The following KCNIP1 variants were observed in gnomAD, a reference collection of about 807,000 sequenced individuals.
KCNIP1 encodes potassium voltage-gated channel interacting protein 1.
In KCNIP1, 18 loss-of-function variants were observed where a neutral mutation model predicts 33.0. The ratio of observed to expected loss-of-function variants is 0.55; its 90% CI spans 0.38 to 0.81. The LOEUF is 0.81. Ranked by LOEUF, KCNIP1 falls within the 30% of genes least tolerant of loss-of-function variation. The probability of loss-of-function intolerance (pLI) is 0.00; values close to 1 mark genes in which losing one functional copy is unlikely to be tolerated. For synonymous variants in KCNIP1, 93 were observed against 98.3 expected, an observed-to-expected ratio of 0.95 and a Z score of 0.32; for missense variants, 238 against 271.6, an observed-to-expected ratio of 0.88 and a Z score of 0.87.
chr5:170,674,136 GA>G (rs879852951), intron 1 of KCNIP1, among the ~76,000 whole-genome samples: 19,152 of 59,090 alleles, frequency 0.32, 2,181 homozygotes, highest in South Asian at 0.41. Flanking sequence ...AATGAGGAAG[GA>G]AGGAAGGAAG....
At chr5:170,373,078 T>C (rs1273435551) in intron 1 of KCNIP1, among the ~76,000 whole-genome samples, 1 of 152,200 alleles carries the variant, frequency 6.6e-6, no homozygotes, top group Non-Finnish European at 1.5e-5. Context: ...ATCTCCCAAA[T>C]CCTTTGAGGA....
At chr5:170,716,254 A>G (rs1290508635) in intron 1 of KCNIP1, among the ~76,000 whole-genome samples, 1 of 152,366 alleles carries the variant, frequency 6.6e-6, no homozygotes, top group East Asian at 1.9e-4. Context: ...AACTAAGACC[A>G]GAGCACAGCT....
chr5:170,693,762 T>C (rs943038244), intron 1 of KCNIP1, among the ~76,000 whole-genome samples: 4 of 152,222 alleles, frequency 2.6e-5, no homozygotes, highest in Non-Finnish European at 4.4e-5. Flanking sequence ...GTGAGCTGCA[T>C]TTACTGCAGC....
At chr5:170,626,743 T>C (rs955448335) in intron 1 of KCNIP1, among the ~76,000 whole-genome samples, 9 of 152,136 alleles carry the variant, frequency 5.9e-5, no homozygotes, top group African/African-American at 2.2e-4. Flanking sequence ...AATGCTGCAG[T>C]GAGGCTGCCG....
intron 1 of KCNIP1, among the ~76,000 whole-genome samples, chr5:170,630,950 A>G (rs550493557): frequency 6.6e-6 from 1 of 152,292 alleles, no homozygotes; most frequent in East Asian, 1.9e-4. Context: ...GGCATAAGCA[A>G]CTGATAACAG....
At chr5:170,528,688 A>C (rs150903691) in intron 1 of KCNIP1, among the ~76,000 whole-genome samples, 1 of 152,224 alleles carries the variant, frequency 6.6e-6, no homozygotes, top group Non-Finnish European at 1.5e-5. Flanking sequence ...CATAGACAGG[A>C]AATCTGTGGC....
At chr5:170,707,779 A>C (rs1484994133) in intron 1 of KCNIP1, among the ~76,000 whole-genome samples, 2 of 151,210 alleles carry the variant, frequency 1.3e-5, no homozygotes, top group Non-Finnish European at 2.9e-5. Context: ...AAGCAGAAAC[A>C]CTCAAAGGTT....
intron 1 of KCNIP1, among the ~76,000 whole-genome samples, chr5:170,633,108 G>C (rs1679845490): frequency 6.6e-6 from 1 of 152,188 alleles, no homozygotes; most frequent in African/African-American, 2.4e-5. Context: ...GGGGTTGCGA[G>C]GGTCACGCCT....
chr5:170,522,116 A>G (rs559520441), intron 1 of KCNIP1, among the ~76,000 whole-genome samples: 3 of 152,330 alleles, frequency 2.0e-5, no homozygotes, highest in Non-Finnish European at 4.4e-5. Flanking sequence ...CCAGCTGGCC[A>G]AGGAGTCTGA....
intron 1 of KCNIP1, among the ~76,000 whole-genome samples, chr5:170,380,724 C>A (rs1054442385): frequency 6.6e-6 from 1 of 152,200 alleles, no homozygotes; most frequent in Non-Finnish European, 1.5e-5. Context: ...GGTGAGGGGG[C>A]CTGGCCTGAG....
At chr5:170,395,437 A>G (rs895674545) in intron 1 of KCNIP1, among the ~76,000 whole-genome samples, 7 of 152,188 alleles carry the variant, frequency 4.6e-5, no homozygotes, top group African/African-American at 1.7e-4. Flanking sequence ...CATCAAAGCC[A>G]TGTTGTCAGA....
chr5:170,497,458 C>T (rs901607773), intron 1 of KCNIP1, among the ~76,000 whole-genome samples: 1 of 152,184 alleles, frequency 6.6e-6, no homozygotes, highest in South Asian at 2.1e-4. Flanking sequence ...TCTTCACCAA[C>T]TGTCCAAGGC....
intron 1 of KCNIP1, among the ~76,000 whole-genome samples, chr5:170,505,650 A>T (rs1286112911): frequency 6.6e-6 from 1 of 152,162 alleles, no homozygotes; most frequent in Non-Finnish European, 1.5e-5. Context: ...CCCCAAGTGA[A>T]CAATAAGTCT....
At chr5:170,734,845 T>G (rs992789751) in intron 7 of KCNIP1, among the ~76,000 whole-genome samples, 1 of 152,256 alleles carries the variant, frequency 6.6e-6, no homozygotes, top group African/African-American at 2.4e-5. Context: ...TAGAATGGAA[T>G]GAACACTGAC....
intron 1 of KCNIP1, among the ~76,000 whole-genome samples, chr5:170,495,485 G>C (rs1398397625): frequency 6.6e-6 from 1 of 152,176 alleles, no homozygotes; most frequent in Non-Finnish European, 1.5e-5. Flanking sequence ...GGGAACCCTA[G>C]GCTGTGTTCA....
At chr5:170,656,154 C>A (rs1317271686) in intron 1 of KCNIP1, among the ~76,000 whole-genome samples, 1 of 152,158 alleles carries the variant, frequency 6.6e-6, no homozygotes, top group African/African-American at 2.4e-5. Context: ...CACTGGGAAC[C>A]CTGTTCTAAT....
At chr5:170,597,784 A>AATAAATAAATATAT (rs1433551163) in intron 1 of KCNIP1, among the ~76,000 whole-genome samples, 4 of 134,428 alleles carry the variant, frequency 3.0e-5, no homozygotes, top group African/African-American at 1.2e-4. Context: ...GAGAGAGATA[A>AATAAATAAATATAT]ATATATATAT....
chr5:170,676,420 C>A lies in KCNIP1; in HGVS notation c.62-42338C>A, dbSNP rs75444782. Reference sequence around the variant, plus strand: ...TAATGATTTTCTCTCTGAACCATAACCATCTTGCAGTTAAATAATTGCTTT... The same window carrying A: ...TAATGATTTTCTCTCTGAACCATAAACATCTTGCAGTTAAATAATTGCTTT... On this transcript the variant is annotated intron_variant, in intron 1 of 7. Transcript: ENST00000328939. Among the ~76,000 whole-genome samples the A allele has an allele frequency of 4.7e-3, 723 of 152,266 alleles. 5 individuals carry two copies. Among genetic ancestry groups the A allele is most frequent in the African/African-American group, 0.016 (678 of 41,550 alleles).
At chr5:170,663,868 C>T (rs1294146468) in intron 1 of KCNIP1, among the ~76,000 whole-genome samples, 1 of 152,004 alleles carries the variant, frequency 6.6e-6, no homozygotes, top group Non-Finnish European at 1.5e-5. Context: ...GCGTTCACTC[C>T]TGCCCCCTCC....
Sources: gnomAD v4.1 joint callset for allele counts (sites outside exome capture counted in the v4.1 genomes callset) on GRCh38, gnomAD v4.1.1 for gene constraint, MANE v1.5 for transcripts, NCBI Gene and HGNC (gene_info 2026-07-23, HGNC 2026-07-21) for gene names.